RHBDD1: variants seen among roughly 807,000 people sequenced by gnomAD.
RHBDD1 encodes the protein rhomboid-related protein 4.
Under a neutral mutation model 36.3 loss-of-function variants are expected in RHBDD1, and 38 were observed. That is an observed-to-expected ratio of 1.05 (90% CI 0.81 to 1.37). RHBDD1 has a LOEUF of 1.37. RHBDD1 is among the 40% of genes most tolerant of loss of function. The pLI, the probability that RHBDD1 is intolerant of heterozygous loss-of-function variation, is 0.00. For synonymous variants in RHBDD1, 151 were observed against 136.5 expected, an observed-to-expected ratio of 1.11 and a Z score of -0.74; for missense variants, 393 against 377.6, an observed-to-expected ratio of 1.04 and a Z score of -0.34.
intron 8 of RHBDD1, among the ~76,000 whole-genome samples, chr2:226,967,847 G>T (rs576808917): frequency 1.3e-5 from 2 of 152,042 alleles, no homozygotes; most frequent in Admixed American, 1.3e-4. Flanking sequence ...TCAGTGCCAG[G>T]GGCCCAGGAA....
At chr2:226,967,621 G>A (rs1012851631) in intron 8 of RHBDD1, among the ~76,000 whole-genome samples, 6 of 144,302 alleles carry the variant, frequency 4.2e-5, no homozygotes, top group African/African-American at 1.3e-4. Flanking sequence ...TTTCTGATCC[G>A]TAATTCTACA....
chr2:226,934,550 G>C (rs148470890), intron 8 of RHBDD1, among the ~76,000 whole-genome samples: 1 of 152,200 alleles, frequency 6.6e-6, no homozygotes, highest in Non-Finnish European at 1.5e-5. Flanking sequence ...ATAATTACAA[G>C]TCCTAAAGAT....
At chr2:226,926,502 T>A (rs2115597) in intron 8 of RHBDD1, among the ~76,000 whole-genome samples, 5 of 151,996 alleles carry the variant, frequency 3.3e-5, no homozygotes, top group Admixed American at 3.3e-4. Context: ...ATTATTTCTT[T>A]GTGGTGTATT....
At chr2:226,916,670 C>T (rs1291418818) in intron 8 of RHBDD1, among the ~76,000 whole-genome samples, 1 of 152,132 alleles carries the variant, frequency 6.6e-6, no homozygotes, top group Non-Finnish European at 1.5e-5. Flanking sequence ...AGCAAGCCTT[C>T]ATAAAGAGTG....
chr2:226,941,114 G>A (rs13387764), intron 8 of RHBDD1, among the ~76,000 whole-genome samples: 7,956 of 152,018 alleles, frequency 0.052, 342 homozygotes, highest in Admixed American at 0.13. Context: ...GCCCAGCAAA[G>A]CTTTTTTGTT....
At chr2:226,859,986 A>G (rs1943694738) in intron 3 of RHBDD1, among the ~76,000 whole-genome samples, 1 of 151,286 alleles carries the variant, frequency 6.6e-6, no homozygotes, top group African/African-American at 2.5e-5. Flanking sequence ...TAGTAGCCCT[A>G]GAGCTAGAAA....
intron 8 of RHBDD1, among the ~76,000 whole-genome samples, chr2:226,958,793 T>A (rs1308416808): frequency 2.6e-5 from 4 of 151,798 alleles, no homozygotes; most frequent in Non-Finnish European, 5.9e-5. Flanking sequence ...TTGGGACATA[T>A]CTTCTTTTTC....
chr2:226,936,507 A>G (rs985495731), intron 8 of RHBDD1, among the ~76,000 whole-genome samples: 4 of 152,142 alleles, frequency 2.6e-5, no homozygotes, highest in Non-Finnish European at 4.4e-5. Context: ...TCTTTTCTCT[A>G]CCACCTACCC....
the RHBDD1 span, among the ~76,000 whole-genome samples, chr2:226,829,987 T>TA: frequency 6.6e-6 from 1 of 152,080 alleles, no homozygotes; most frequent in East Asian, 1.9e-4. Flanking sequence ...TTTTTTTTTT[T>TA]ATAGATGCCC....
At chr2:226,847,205 A>G (rs1215924041) in intron 3 of RHBDD1, among the ~76,000 whole-genome samples, 1 of 152,188 alleles carries the variant, frequency 6.6e-6, no homozygotes, top group Admixed American at 6.5e-5. Context: ...CATTTGAGCA[A>G]ATTTTTTCAT....
the RHBDD1 span, chr2:226,804,430 C>T: frequency 1.3e-5 from 2 of 152,184 alleles, no homozygotes; most frequent in African/African-American, 2.4e-5. Context: ...AACCAGTCAA[C>T]AAAGATCTTC....
At chr2:226,877,348 T>C (rs1355236623) in intron 5 of RHBDD1, among the ~76,000 whole-genome samples, 2 of 152,206 alleles carry the variant, frequency 1.3e-5, no homozygotes, top group Non-Finnish European at 2.9e-5. Context: ...AGTATCAAAG[T>C]ATCACATTTA....
intron 8 of RHBDD1, among the ~76,000 whole-genome samples, chr2:226,992,461 A>G (rs1193949215): frequency 6.6e-6 from 1 of 152,208 alleles, no homozygotes; most frequent in African/African-American, 2.4e-5. Flanking sequence ...AGGATTTAAA[A>G]TACCCTTAAG....
At chr2:226,881,336 A>G (rs1304858228) in intron 5 of RHBDD1, among the ~76,000 whole-genome samples, 10 of 152,200 alleles carry the variant, frequency 6.6e-5, no homozygotes, top group Non-Finnish European at 8.8e-5. Flanking sequence ...GAAAATTATT[A>G]GCATTATTCT....
chr2:226,800,963 A>C, the RHBDD1 span, among the ~76,000 whole-genome samples: 22 of 152,206 alleles, frequency 1.4e-4, no homozygotes, highest in African/African-American at 5.3e-4. Context: ...CGCTCCCCAG[A>C]GTTTTTTTAT....
Position 226,942,312 on chromosome 2 carries a change from C to T in RHBDD1, c.856+27961C>T, listed in dbSNP as rs148843265. 5.8e-3 allele frequency among the ~76,000 whole-genome samples: 874 copies of T among 151,084 alleles called. 4 individuals carry two copies. The highest frequency in any genetic ancestry group is 0.01 in the Middle Eastern group (3 of 290). ...GGAGTGCAGTGGCATGATCTCGGCTCACTGCAAGCTCTGTTTCCCGGGTTC... is the reference window on the plus strand; with the variant it reads ...GGAGTGCAGTGGCATGATCTCGGCTTACTGCAAGCTCTGTTTCCCGGGTTC... On this transcript the variant is annotated intron_variant, in intron 8 of 8. Transcript: ENST00000392062.
chr2:226,870,540 C>G (rs1410488650), intron 5 of RHBDD1, among the ~76,000 whole-genome samples: 1 of 152,132 alleles, frequency 6.6e-6, no homozygotes, highest in East Asian at 1.9e-4. Context: ...TGCATTTGGA[C>G]CCTGGGGTAT....
At chr2:226,851,591 A>G (rs1942818432) in intron 3 of RHBDD1, among the ~76,000 whole-genome samples, 1 of 151,972 alleles carries the variant, frequency 6.6e-6, no homozygotes, top group Admixed American at 6.6e-5. Flanking sequence ...TCAAGTTTCC[A>G]AATTGCCTGG....
chr2:226,946,652 G>A (rs1208018381), intron 8 of RHBDD1, among the ~76,000 whole-genome samples: 2 of 152,042 alleles, frequency 1.3e-5, no homozygotes, highest in African/African-American at 4.8e-5. Flanking sequence ...AATGATAAAG[G>A]GGATATCACC....
Sources: allele counts gnomAD v4.1 joint callset (sites outside exome capture counted in the v4.1 genomes callset), GRCh38; gene constraint gnomAD v4.1.1; transcripts MANE v1.5; gene names NCBI Gene and HGNC (gene_info 2026-07-23, HGNC 2026-07-21).